The following FHL2 variants were observed in gnomAD, a reference collection of about 807,000 sequenced individuals.
FHL2 encodes four and a half LIM domains 2.
FHL2 carries 20 observed loss-of-function variants against 32.7 expected under a neutral mutation model. The ratio of observed to expected loss-of-function variants is 0.61; its 90% CI spans 0.43 to 0.89. The LOEUF (loss-of-function observed/expected upper bound fraction) is 0.89. FHL2 is among the 40% of genes least tolerant of loss of function. The probability of loss-of-function intolerance (pLI) is 0.00; values close to 1 mark genes in which losing one functional copy is unlikely to be tolerated. For missense variants in FHL2, 311 were observed against 358.6 expected, an observed-to-expected ratio of 0.87 and a Z score of 1.07; for synonymous variants, 123 against 128.1, an observed-to-expected ratio of 0.96 and a Z score of 0.27.
chr2:105,369,779 A>G (rs1680892146), intron 4 of FHL2, among the ~76,000 whole-genome samples: 1 of 152,206 alleles, frequency 6.6e-6, no homozygotes, highest in Non-Finnish European at 1.5e-5. Flanking sequence ...GCCAATGAAT[A>G]TGGGGCAATT....
intron 3 of FHL2, among the ~76,000 whole-genome samples, chr2:105,383,033 ACGC>A (rs1682013200): frequency 2.6e-5 from 4 of 152,094 alleles, no homozygotes; most frequent in Admixed American, 1.3e-4. Flanking sequence ...TTACAGGTGC[ACGC>A]CACCACACCC....
At chr2:105,427,611 G>C (rs577379673) in intron 1 of FHL2, among the ~76,000 whole-genome samples, 1 of 152,194 alleles carries the variant, frequency 6.6e-6, no homozygotes, top group Non-Finnish European at 1.5e-5. Flanking sequence ...CCTTGTGAGG[G>C]AGTTACATCA....
chr2:105,367,878 C>G, intron 4 of FHL2, 139 bp from the exon 5 acceptor site: 1 of 765,166 alleles, frequency 1.3e-6, no homozygotes. Context: ...CTCGCCTCTA[C>G]ATGGAGGTAA....
chr2:105,430,270 T>G (rs1188886822), intron 1 of FHL2, among the ~76,000 whole-genome samples: 1 of 152,224 alleles, frequency 6.6e-6, no homozygotes. Flanking sequence ...TGGAAAGGCC[T>G]CTGAAGCAAA....
intron 1 of FHL2, among the ~76,000 whole-genome samples, chr2:105,406,704 A>G (rs1057068157): frequency 6.6e-6 from 1 of 152,194 alleles, no homozygotes; most frequent in African/African-American, 2.4e-5. Context: ...ATATGTTTGG[A>G]AAATGATGAG....
intron 1 of FHL2, among the ~76,000 whole-genome samples, chr2:105,397,794 C>A (rs193062492): frequency 1.3e-5 from 2 of 151,960 alleles, no homozygotes; most frequent in Admixed American, 6.5e-5. Flanking sequence ...ATGAAATGTT[C>A]TTTGAGTTTG....
intron 4 of FHL2, among the ~76,000 whole-genome samples, chr2:105,370,974 A>G (rs1311431402): frequency 6.6e-6 from 1 of 152,198 alleles, no homozygotes; most frequent in East Asian, 1.9e-4. Context: ...TTCTTACCAC[A>G]GAGCCTGAAT....
intron 3 of FHL2, chr2:105,378,445 C>T (rs1172463228): frequency 7.0e-6 from 2 of 284,886 alleles, no homozygotes; most frequent in Admixed American, 4.7e-5. Context: ...GGAACCATTT[C>T]GCCTTGGCTC....
At chr2:105,398,278 C>A (rs756627714) in intron 1 of FHL2, among the ~76,000 whole-genome samples, 2 of 146,396 alleles carry the variant, frequency 1.4e-5, no homozygotes, top group Non-Finnish European at 3.0e-5. Flanking sequence ...CACACGAGTG[C>A]GACTTAAGAA....
chr2:105,371,842 G>A (rs930245671), intron 4 of FHL2, among the ~76,000 whole-genome samples: 52 of 152,268 alleles, frequency 3.4e-4, no homozygotes, highest in South Asian at 2.1e-3. Context: ...GTTACTGAGT[G>A]TTGTGTCTCT....
At chr2:105,410,351 A>C (rs1415426738) in intron 1 of FHL2, among the ~76,000 whole-genome samples, 2 of 152,236 alleles carry the variant, frequency 1.3e-5, no homozygotes, top group Non-Finnish European at 2.9e-5. Context: ...ACATAGCTGC[A>C]AAATGAATTA....
At chr2:105,371,649 A>G (rs1681079054) in intron 4 of FHL2, among the ~76,000 whole-genome samples, 3 of 152,060 alleles carry the variant, frequency 2.0e-5, no homozygotes, top group Admixed American at 6.6e-5. Flanking sequence ...CTAACACAGA[A>G]AGTCAAGACA....
In FHL2 at chr2:105,415,071, T is replaced by C. The variant is rs115613701; in HGVS notation, c.-25+23328A>G. On this transcript the variant is annotated intron_variant, in intron 1 of 5. Transcript: ENST00000393352. Reference sequence around the variant, plus strand: ...GTACACAAACGCAGATGTATACAGATACTAGAACATTCTTTAAGGTAGCAT... The same window carrying C: ...GTACACAAACGCAGATGTATACAGACACTAGAACATTCTTTAAGGTAGCAT... Among the ~76,000 whole-genome samples, 1,113 of 152,346 alleles carry C rather than the reference T, an allele frequency of 7.3e-3. 21 individuals carry two copies. The highest frequency in any genetic ancestry group is 0.026 in the African/African-American group (1,068 of 41,574).
intron 1 of FHL2, among the ~76,000 whole-genome samples, chr2:105,420,586 T>C (rs1684071554): frequency 6.6e-6 from 1 of 152,108 alleles, no homozygotes; most frequent in Admixed American, 6.5e-5. Context: ...ATCTAACAGA[T>C]GTGGGGCAGA....
intron 1 of FHL2, among the ~76,000 whole-genome samples, chr2:105,424,778 A>G (rs1684207276): frequency 6.6e-6 from 1 of 152,192 alleles, no homozygotes; most frequent in South Asian, 2.1e-4. Context: ...GGAACAGAAA[A>G]CCAAACACCA....
chr2:105,396,781 A>G, intron 1 of FHL2, 84 bp from the exon 2 acceptor site: 1 of 1,174,802 alleles, frequency 8.5e-7, no homozygotes, highest in Non-Finnish European at 1.3e-6. Context: ...TGGACACTTA[A>G]TAAATGTGGC....
chr2:105,422,074 A>C (rs1218444869), intron 1 of FHL2, among the ~76,000 whole-genome samples: 1 of 152,172 alleles, frequency 6.6e-6, no homozygotes. Flanking sequence ...GTCCTTCCCC[A>C]CATACATGCA....
upstream of FHL2, among the ~76,000 whole-genome samples, chr2:105,402,030 C>G (rs996185591): frequency 6.7e-6 from 1 of 148,292 alleles, no homozygotes; most frequent in Non-Finnish European, 1.5e-5. Context: ...TATATATACA[C>G]GAATATATAT....
intron 1 of FHL2, among the ~76,000 whole-genome samples, chr2:105,431,370 C>CCAGG (rs1478644516): frequency 1.3e-5 from 2 of 152,070 alleles, no homozygotes; most frequent in African/African-American, 4.8e-5. Flanking sequence ...AGCAAGTGAA[C>CCAGG]CAGGGTAAGG....
Sources: allele counts gnomAD v4.1 joint callset (sites outside exome capture counted in the v4.1 genomes callset), GRCh38; gene constraint gnomAD v4.1.1; transcripts MANE v1.5; gene names NCBI Gene and HGNC (gene_info 2026-07-23, HGNC 2026-07-21).